OXR1: variants seen among roughly 807,000 people sequenced by gnomAD.
The protein encoded by OXR1 is oxidation resistance protein 1.
In OXR1, 41 loss-of-function variants were observed where a neutral mutation model predicts 104.6. The ratio of observed to expected loss-of-function variants is 0.39; its 90% CI spans 0.31 to 0.51. OXR1 has a LOEUF of 0.51. OXR1 is among the 20% of genes least tolerant of loss of function. The pLI is 0.77. For missense variants in OXR1, 955 were observed against 1,031.9 expected, an observed-to-expected ratio of 0.93 and a Z score of 1.02; for synonymous variants, 348 against 348.4, an observed-to-expected ratio of 1.00 and a Z score of 0.01.
At chr8:106,524,676 G>A (rs188610395) in intron 3 of OXR1, among the ~76,000 whole-genome samples, 21 of 152,310 alleles carry the variant, frequency 1.4e-4, no homozygotes, top group Non-Finnish European at 2.2e-4. Flanking sequence ...GGCAGCCATC[G>A]TATGCGTTGG....
chr8:106,424,903 G>T (rs956118247), intron 2 of OXR1, among the ~76,000 whole-genome samples: 1 of 151,420 alleles, frequency 6.6e-6, no homozygotes, highest in African/African-American at 2.4e-5. Flanking sequence ...TCTTCCTTTT[G>T]ATTTGACATA....
intron 2 of OXR1, among the ~76,000 whole-genome samples, chr8:106,461,421 A>G (rs1820906419): frequency 6.6e-6 from 1 of 152,040 alleles, no homozygotes; most frequent in African/African-American, 2.4e-5. Flanking sequence ...AAATACAAAA[A>G]TTAGCCAGGC....
At chr8:106,605,921 C>CAATAAAATGTGGATGATGATAAT (rs1563638068) in intron 3 of OXR1, among the ~76,000 whole-genome samples, 8 of 148,042 alleles carry the variant, frequency 5.4e-5, no homozygotes, top group Non-Finnish European at 1.5e-5. Context: ...TTTTTATTTT[C>CAATAAAATGTGGATGATGATAAT]AATAAAATGT....
intron 1 of OXR1, among the ~76,000 whole-genome samples, chr8:106,301,763 C>A (rs1187538767): frequency 3.9e-5 from 6 of 152,064 alleles, no homozygotes; most frequent in Non-Finnish European, 8.8e-5. Flanking sequence ...AGAAAGCTTT[C>A]AAGATTTATA....
Position 106,752,336 on chromosome 8 carries a change from G to A in OXR1, c.*1395G>A, listed in dbSNP as rs753910286. ...ATATTTGGCTTAAGTAGATTTAGTT[G>A]TATAGCACTTACATATTTAGTTCTT... On this transcript the variant is annotated 3_prime_UTR_variant, in exon 17 of 17. Coordinates refer to ENST00000517566, the MANE Select transcript of OXR1 (RefSeq NM_001198533.2). The A allele has an allele frequency of 8.5e-5, 13 of 152,484 alleles. No homozygotes were observed. The highest frequency in any genetic ancestry group is 1.9e-4 in the Non-Finnish European group (13 of 67,924). 9.4% of individuals were successfully genotyped at this position (152,484 alleles called of 1,614,324 possible).
intron 3 of OXR1, among the ~76,000 whole-genome samples, chr8:106,639,953 T>C (rs891757641): frequency 6.6e-6 from 1 of 152,160 alleles, no homozygotes; most frequent in South Asian, 2.1e-4. Flanking sequence ...GTAGTCACAG[T>C]GCCCTTTGTG....
At chr8:106,687,946 C>G (rs922420058) in intron 6 of OXR1, among the ~76,000 whole-genome samples, 1 of 152,132 alleles carries the variant, frequency 6.6e-6, no homozygotes, top group Non-Finnish European at 1.5e-5. Context: ...AGAAACACTA[C>G]TCTTGCCCAA....
At chr8:106,274,497 C>A (rs1261265621) in intron 1 of OXR1, among the ~76,000 whole-genome samples, 1 of 152,000 alleles carries the variant, frequency 6.6e-6, no homozygotes, top group Non-Finnish European at 1.5e-5. Flanking sequence ...CTTTCTTGTT[C>A]TAATAACTAT....
At chr8:106,532,076 C>A (rs888821625) in intron 3 of OXR1, among the ~76,000 whole-genome samples, 2 of 152,116 alleles carry the variant, frequency 1.3e-5, no homozygotes, top group Admixed American at 1.3e-4. Context: ...TATCAACTAC[C>A]AATAGTTGGA....
At chr8:106,690,898 A>G (rs1184191422) in intron 6 of OXR1, among the ~76,000 whole-genome samples, 2 of 151,924 alleles carry the variant, frequency 1.3e-5, no homozygotes, top group Admixed American at 6.6e-5. Context: ...TTCCTCCTCA[A>G]TCTTCCTTTG....
chr8:106,415,864 G>T (rs1389844652), intron 2 of OXR1, among the ~76,000 whole-genome samples: 2 of 152,106 alleles, frequency 1.3e-5, no homozygotes, highest in Admixed American at 1.3e-4. Context: ...TGCGTTTGAT[G>T]CATAGCATGG....
chr8:106,593,913 G>GC (rs1232289742), intron 3 of OXR1, among the ~76,000 whole-genome samples: 1 of 152,184 alleles, frequency 6.6e-6, no homozygotes, highest in Non-Finnish European at 1.5e-5. Context: ...ATCCTGCCAA[G>GC]CCCCCCTGCA....
chr8:106,591,978 A>G (rs1819130246), intron 3 of OXR1, among the ~76,000 whole-genome samples: 1 of 152,196 alleles, frequency 6.6e-6, no homozygotes. Flanking sequence ...CTGCTGCCTG[A>G]TACATCGTTT....
At chr8:106,468,153 A>C (rs1353796607) in intron 2 of OXR1, among the ~76,000 whole-genome samples, 1 of 151,838 alleles carries the variant, frequency 6.6e-6, no homozygotes, top group East Asian at 1.9e-4. Flanking sequence ...ACCAGCCCCC[A>C]TTCTAGGTCT....
chr8:106,750,635 A>C (rs984546163), intron 16 of OXR1, among the ~76,000 whole-genome samples, 171 bp from the exon 17 acceptor site: 1 of 152,052 alleles, frequency 6.6e-6, no homozygotes, highest in Non-Finnish European at 1.5e-5. Context: ...CGGCCCATAA[A>C]TAATTTTTTA....
intron 3 of OXR1, among the ~76,000 whole-genome samples, chr8:106,656,781 C>T (rs1428431944): frequency 7.2e-6 from 1 of 139,162 alleles, no homozygotes; most frequent in Non-Finnish European, 1.5e-5. Flanking sequence ...AGAATCTAAA[C>T]TGAAAATGGT....
chr8:106,275,099 A>T (rs537069697), intron 1 of OXR1, among the ~76,000 whole-genome samples: 1 of 152,384 alleles, frequency 6.6e-6, no homozygotes, highest in African/African-American at 2.4e-5. Flanking sequence ...TGGAGCAATT[A>T]TAGAGATATT....
chr8:106,276,753 C>CA (rs56303147), intron 1 of OXR1, among the ~76,000 whole-genome samples: 16,263 of 76,922 alleles, frequency 0.21, 1,089 homozygotes, highest in Non-Finnish European at 0.26. Flanking sequence ...CTGTTAGAGG[C>CA]AAAAAAAAAA....
chr8:106,403,498 G>T (rs1818086102), intron 2 of OXR1, among the ~76,000 whole-genome samples: 1 of 152,206 alleles, frequency 6.6e-6, no homozygotes, highest in South Asian at 2.1e-4. Context: ...CAAGAATGAT[G>T]GGGCCTCCCA....
Sources: allele counts gnomAD v4.1 joint callset (sites outside exome capture counted in the v4.1 genomes callset), GRCh38; gene constraint gnomAD v4.1.1; transcripts MANE v1.5; gene names NCBI Gene and HGNC (gene_info 2026-07-23, HGNC 2026-07-21).